Variants in MPPED1 observed in about 807,000 individuals in gnomAD.
MPPED1 encodes the protein metallophosphoesterase domain containing 1, also known as metallophosphoesterase domain-containing protein 1.
MPPED1 carries 16 observed loss-of-function variants against 36.2 expected under a neutral mutation model. That is an observed-to-expected ratio of 0.44 (90% CI 0.30 to 0.67). MPPED1 has a LOEUF of 0.67. Ranked by LOEUF, MPPED1 falls within the 30% of genes least tolerant of loss-of-function variation. The probability of loss-of-function intolerance (pLI) is 0.10; values close to 1 mark genes in which losing one functional copy is unlikely to be tolerated. For missense variants in MPPED1, 307 were observed against 453.4 expected, an observed-to-expected ratio of 0.68 and a Z score of 2.93; for synonymous variants, 199 against 191.3, an observed-to-expected ratio of 1.04 and a Z score of -0.33.
intron 1 of MPPED1, among the ~76,000 whole-genome samples, chr22:43,424,158 A>G (rs1050213737): frequency 6.6e-6 from 1 of 152,206 alleles, no homozygotes; most frequent in South Asian, 2.1e-4. Flanking sequence ...TGCAATTCAA[A>G]GATTGACGGG....
intron 5 of MPPED1, among the ~76,000 whole-genome samples, chr22:43,500,457 G>GTGGAGGTGGTGA (rs1932699673): frequency 6.7e-6 from 1 of 148,956 alleles, no homozygotes; most frequent in Non-Finnish European, 1.5e-5. Context: ...GACGGAGGTG[G>GTGGAGGTGGTGA]TGGAGGTGGT....
At chr22:43,415,828 G>A (rs938671439) in intron 1 of MPPED1, among the ~76,000 whole-genome samples, 4 of 152,114 alleles carry the variant, frequency 2.6e-5, no homozygotes, top group Non-Finnish European at 5.9e-5. Context: ...GCCCACTTTC[G>A]CATTCCCGTC....
At chr22:43,455,023 G>A (rs1348360266) in intron 3 of MPPED1, among the ~76,000 whole-genome samples, 2 of 151,994 alleles carry the variant, frequency 1.3e-5, no homozygotes, top group African/African-American at 4.8e-5. Flanking sequence ...TTAGCAGATT[G>A]GTTTCTTTTG....
At position 43,417,938 on chromosome 22, in the gene MPPED1, C is replaced by T. The variant is rs114420244; in HGVS notation, c.-79+5780C>T. On this transcript the variant is annotated intron_variant, in intron 1 of 6. Transcript: ENST00000443721. The stretch of plus-strand genomic sequence containing the variant: ...TTCCAAGGTGGGGTTCCTCAGAACG[C>T]CGCAGCGGGGATGGCTGTTGGGGGA... 2.1e-3 allele frequency: 888 copies of T among 419,846 alleles called. 12 individuals carry two copies. Among genetic ancestry groups the T allele is most frequent in the African/African-American group, 0.017 (831 of 49,366 alleles). 26.0% of individuals were successfully genotyped at this position (419,846 alleles called of 1,614,324 possible).
At chr22:43,429,302 A>G (rs1929591509) in intron 2 of MPPED1, among the ~76,000 whole-genome samples, 1 of 152,186 alleles carries the variant, frequency 6.6e-6, no homozygotes, top group African/African-American at 2.4e-5. Context: ...TCCTGGAGAC[A>G]TGGAGCTCAG....
intron 1 of MPPED1, among the ~76,000 whole-genome samples, chr22:43,424,500 C>T (rs1452185420): frequency 1.3e-5 from 2 of 152,030 alleles, no homozygotes; most frequent in Admixed American, 6.5e-5. Context: ...CCTTCCTGTT[C>T]CCCAATTCTG....
intron 1 of MPPED1, among the ~76,000 whole-genome samples, chr22:43,423,371 C>A (rs1601946166): frequency 6.6e-6 from 1 of 152,220 alleles, no homozygotes; most frequent in Non-Finnish European, 1.5e-5. Flanking sequence ...CCTGCTCCCC[C>A]ACCTACAGTT....
At chr22:43,415,225 C>CAAAAAAAAAAAACAAAAAAA (rs1929036985) in intron 1 of MPPED1, among the ~76,000 whole-genome samples, 1 of 49,414 alleles carries the variant, frequency 2.0e-5, no homozygotes, top group Non-Finnish European at 3.5e-5. Context: ...ATGTCAAAAG[C>CAAAAAAAAAAAACAAAAAAA]AAAAAAAAAA....
intron 4 of MPPED1, among the ~76,000 whole-genome samples, chr22:43,488,886 T>A (rs1931998335): frequency 1.3e-5 from 2 of 152,232 alleles, no homozygotes; most frequent in Non-Finnish European, 2.9e-5. Flanking sequence ...GCACTGGGGA[T>A]CCTGGACCCT....
Position 43,412,153 on chromosome 22 carries a change from G to T in MPPED1, c.-84G>T. On this transcript the variant is annotated 5_prime_UTR_variant, in exon 1 of 7. Coordinates refer to ENST00000443721, the MANE Select transcript of MPPED1 (RefSeq NM_001044370.2). ...CCGCGGCCGCCGAAGAGGAGCCCGG[G>T]GCCAGGTAGGACCGGAGGCGGGCGG... 1.0e-6 allele frequency: 1 copy of T among 980,050 alleles called. No homozygotes were observed. Among genetic ancestry groups the T allele is most frequent in the South Asian group, 4.6e-5 (1 of 21,718 alleles). The allele number at this position is 980,050 out of a possible 1,614,324, so 60.7% of individuals were successfully genotyped here. A position where few individuals can be genotyped will look rare whatever the true frequency, so the allele number is the denominator to read the frequency against.
chr22:43,495,355 G>A (rs1932237152), intron 4 of MPPED1, among the ~76,000 whole-genome samples: 1 of 149,576 alleles, frequency 6.7e-6, no homozygotes, highest in Admixed American at 6.6e-5. Flanking sequence ...TGTTGATGGA[G>A]GTGATGGTGG....
At chr22:43,493,810 G>T (rs2146908025) in intron 4 of MPPED1, among the ~76,000 whole-genome samples, 1 of 152,332 alleles carries the variant, frequency 6.6e-6, no homozygotes, top group Non-Finnish European at 1.5e-5. Context: ...CTGACCAACA[G>T]TGCTGCAGGG....
At chr22:43,469,338 T>A (rs191960578) in intron 3 of MPPED1, among the ~76,000 whole-genome samples, 28 of 152,276 alleles carry the variant, frequency 1.8e-4, no homozygotes, top group African/African-American at 6.3e-4. Flanking sequence ...ATAAAGCCCC[T>A]GAAAATCAAT....
chr22:43,504,215 GTGA>G (rs1235400212), intron 6 of MPPED1, among the ~76,000 whole-genome samples: 4 of 152,050 alleles, frequency 2.6e-5, no homozygotes, highest in African/African-American at 4.8e-5. Context: ...CGCAATGGTG[GTGA>G]TGATGATAAT....
In MPPED1 at chr22:43,500,534, C is replaced by T. The variant is rs568670359; in HGVS notation, c.749-2110C>T. ...TCAGCAGGAGGGAGTTTTCTGTATC[C>T]TTATGTGTGCCATGCCACCCCTCTG... On this transcript the variant is annotated intron_variant, in intron 5 of 6. Coordinates refer to ENST00000443721, the MANE Select transcript of MPPED1 (RefSeq NM_001044370.2). Among the ~76,000 whole-genome samples, 4 of 151,666 alleles carry T rather than the reference C, an allele frequency of 2.6e-5. No individual in the cohort carries two copies. In the South Asian group the frequency reaches 6.2e-4, roughly 24 times the overall value.
chr22:43,444,369 T>C, intron 3 of MPPED1, among the ~76,000 whole-genome samples: 1 of 145,616 alleles, frequency 6.9e-6, no homozygotes, highest in Non-Finnish European at 1.5e-5. Context: ...TCTATCTTTT[T>C]TTTTTTTTTT....
chr22:43,432,326 G>A (rs73167911), intron 2 of MPPED1, among the ~76,000 whole-genome samples: 350 of 142,070 alleles, frequency 2.5e-3, no homozygotes, highest in Non-Finnish European at 4.2e-3. Context: ...AAAGGGAGGA[G>A]AGAAAGAGGG....
chr22:43,495,275 G>C (rs796191013), intron 4 of MPPED1, among the ~76,000 whole-genome samples: 1 of 148,194 alleles, frequency 6.7e-6, no homozygotes, highest in South Asian at 2.2e-4. Flanking sequence ...GGTGGTGGTG[G>C]TGGTGATGGA....
In MPPED1 at chr22:43,505,562, C is replaced by T; in HGVS notation, c.927C>T (p.Tyr309=). 1 of 1,612,996 alleles carries T rather than the reference C, an allele frequency of 6.2e-7. No individual in the cohort carries two copies. Among genetic ancestry groups the T allele is most frequent in the Non-Finnish European group, 8.5e-7 (1 of 1,179,550 alleles). ...ATGCGTCCGTATGCACTGTGAACTA[C>T]CAGCCCGTGAACCCGCCCATAGTCA... ...YVNASVCTVN[Y]QPVNPPIVID... Residue 309 remains tyrosine (Y), a synonymous_variant, in exon 7 of 7, where the codon TAC becomes TAT. Transcript: ENST00000443721.
Sources: gnomAD v4.1 joint callset for allele counts (sites outside exome capture counted in the v4.1 genomes callset) on GRCh38, gnomAD v4.1.1 for gene constraint, MANE v1.5 for transcripts, NCBI Gene and HGNC (gene_info 2026-07-23, HGNC 2026-07-21) for gene names.